WWOX: variants seen among roughly 807,000 people sequenced by gnomAD.
WWOX encodes the protein WW domain-containing oxidoreductase.
WWOX carries 69 observed loss-of-function variants against 46.2 expected under a neutral mutation model. The observed-to-expected ratio is 1.49, with a 90% CI of 1.23 to 1.82. The LOEUF is 1.82. Ranked by LOEUF, WWOX falls within the 40% of genes most tolerant of loss-of-function variation. WWOX has a pLI of 0.00. For missense variants in WWOX, 919 were observed against 542.6 expected (o/e 1.69, Z -6.89); for synonymous variants, 359 against 202.6 (o/e 1.77, Z -6.56).
At chr16:79,150,852 G>A (rs2050265003) in intron 8 of WWOX, among the ~76,000 whole-genome samples, 2 of 152,034 alleles carry the variant, frequency 1.3e-5, no homozygotes, top group South Asian at 4.2e-4. Flanking sequence ...CATTGCGTAG[G>A]CCACTTGGAG....
At chr16:78,145,020 C>T (rs2034150442) in intron 4 of WWOX, among the ~76,000 whole-genome samples, 1 of 152,058 alleles carries the variant, frequency 6.6e-6, no homozygotes, top group African/African-American at 2.4e-5. Flanking sequence ...TATTAGTTTG[C>T]TAGAGCTGCT....
chr16:78,585,043 C>G (rs558384321), intron 8 of WWOX, among the ~76,000 whole-genome samples: 27 of 152,282 alleles, frequency 1.8e-4, no homozygotes, highest in Admixed American at 4.6e-4. Flanking sequence ...GCTGAGGCCT[C>G]CACCCCTGGC....
At chr16:78,481,141 A>G (rs1186273526) in intron 8 of WWOX, among the ~76,000 whole-genome samples, 2 of 152,194 alleles carry the variant, frequency 1.3e-5, no homozygotes, top group Admixed American at 1.3e-4. Context: ...AACCTATACC[A>G]TTCCTGGAGG....
At chr16:79,081,622 A>C (rs747628074) in intron 8 of WWOX, among the ~76,000 whole-genome samples, 23 of 152,176 alleles carry the variant, frequency 1.5e-4, no homozygotes, top group Non-Finnish European at 2.1e-4. Context: ...CTCATTGGTC[A>C]AGACTTTTCT....
At chr16:78,634,958 A>G (rs2046533042) in intron 8 of WWOX, among the ~76,000 whole-genome samples, 1 of 151,902 alleles carries the variant, frequency 6.6e-6, no homozygotes, top group Non-Finnish European at 1.5e-5. Flanking sequence ...AAGGGTCCAG[A>G]GCAGTAAAGA....
At chr16:78,746,697 A>G (rs1409473542) in intron 8 of WWOX, among the ~76,000 whole-genome samples, 1 of 151,870 alleles carries the variant, frequency 6.6e-6, no homozygotes, top group Non-Finnish European at 1.5e-5. Flanking sequence ...CCCATAGCCA[A>G]TGCCTTTTCT....
At chr16:78,618,672 A>G (rs1344385976) in intron 8 of WWOX, among the ~76,000 whole-genome samples, 2 of 152,218 alleles carry the variant, frequency 1.3e-5, no homozygotes, top group African/African-American at 2.4e-5. Context: ...AACAGGATCC[A>G]TGTTTGATCC....
At chr16:79,137,772 C>T (rs1038220498) in intron 8 of WWOX, among the ~76,000 whole-genome samples, 3 of 152,062 alleles carry the variant, frequency 2.0e-5, no homozygotes, top group Non-Finnish European at 4.4e-5. Context: ...CCTCTGTGTT[C>T]CTCCCCTTCT....
At chr16:78,966,098 G>C (rs527587052) in intron 8 of WWOX, among the ~76,000 whole-genome samples, 5 of 152,216 alleles carry the variant, frequency 3.3e-5, no homozygotes, top group African/African-American at 7.2e-5. Flanking sequence ...TTTTTGCGTG[G>C]CTTCTTACCT....
chr16:79,104,608 G>C (rs948596267), intron 8 of WWOX, among the ~76,000 whole-genome samples: 11 of 152,188 alleles, frequency 7.2e-5, no homozygotes, highest in Non-Finnish European at 1.6e-4. Context: ...TGTTGAGGCA[G>C]ATAGATGCAC....
intron 8 of WWOX, among the ~76,000 whole-genome samples, chr16:78,655,957 G>C (rs1460459957): frequency 2.0e-5 from 3 of 152,108 alleles, no homozygotes; most frequent in African/African-American, 7.2e-5. Context: ...GCACAGCCTG[G>C]GGAGAAGCCT....
intron 5 of WWOX, among the ~76,000 whole-genome samples, chr16:78,382,935 T>G (rs1269355987): frequency 6.6e-6 from 1 of 151,902 alleles, no homozygotes; most frequent in African/African-American, 2.4e-5. Flanking sequence ...TGTGTTCATG[T>G]TCTGCTTCTG....
chr16:78,830,520 C>A (rs561904805), intron 8 of WWOX, among the ~76,000 whole-genome samples: 66 of 152,066 alleles, frequency 4.3e-4, no homozygotes, highest in South Asian at 1.7e-3. Flanking sequence ...TTACCCATTA[C>A]CAGGGAAGCC....
At chr16:79,192,971 T>G (rs2051166687) in intron 8 of WWOX, among the ~76,000 whole-genome samples, 1 of 152,214 alleles carries the variant, frequency 6.6e-6, no homozygotes, top group Non-Finnish European at 1.5e-5. Context: ...ACTCCTTGTC[T>G]CACATTCCTT....
chr16:79,068,246 A>G (rs1186740069), intron 8 of WWOX, among the ~76,000 whole-genome samples: 1 of 152,230 alleles, frequency 6.6e-6, no homozygotes, highest in Non-Finnish European at 1.5e-5. Context: ...GAACTGCCTA[A>G]GAATGCCATG....
At chr16:78,910,175 A>G (rs2045071693) in intron 8 of WWOX, among the ~76,000 whole-genome samples, 1 of 152,054 alleles carries the variant, frequency 6.6e-6, no homozygotes, top group African/African-American at 2.4e-5. Flanking sequence ...TTGGTCAGGC[A>G]TAGATAGGTG....
chr16:78,398,583 C>T (rs998894155), intron 6 of WWOX, among the ~76,000 whole-genome samples: 2 of 152,184 alleles, frequency 1.3e-5, no homozygotes, highest in Non-Finnish European at 2.9e-5. Flanking sequence ...AATCATTGTA[C>T]ATGGAATACT....
intron 8 of WWOX, among the ~76,000 whole-genome samples, chr16:78,994,965 TCTTC>T (rs1160079838): frequency 7.4e-5 from 7 of 94,258 alleles, no homozygotes; most frequent in Non-Finnish European, 1.5e-4. Context: ...TTCTTCTTCT[TCTTC>T]TTTTTTTTTT....
chr16:78,162,184 G>C (rs1380069023), intron 4 of WWOX, among the ~76,000 whole-genome samples: 3 of 152,038 alleles, frequency 2.0e-5, no homozygotes, highest in Non-Finnish European at 2.9e-5. Flanking sequence ...TAAAATTTTT[G>C]TTCTCTGCCT....
Sources: gnomAD v4.1 joint callset for allele counts (sites outside exome capture counted in the v4.1 genomes callset) on GRCh38, gnomAD v4.1.1 for gene constraint, MANE v1.5 for transcripts, NCBI Gene and HGNC (gene_info 2026-07-23, HGNC 2026-07-21) for gene names.